The following LRRC37A2 variants were observed in gnomAD, a reference collection of about 807,000 sequenced individuals.
LRRC37A2 encodes the protein leucine-rich repeat-containing protein 37A2.
Under a neutral mutation model 68.8 loss-of-function variants are expected in LRRC37A2, and 9 were observed. That is an observed-to-expected ratio of 0.13 (90% confidence interval 0.08 to 0.23). The LOEUF (loss-of-function observed/expected upper bound fraction) is 0.23. LRRC37A2 is among the 10% of genes least tolerant of loss of function. LRRC37A2 has a pLI of 1.00. For missense variants in LRRC37A2, 168 were observed against 950.4 expected (o/e 0.18, Z 10.82); for synonymous variants, 63 against 367.6 (o/e 0.17, Z 9.48).
chr17:46,767,302 C>T, the LRRC37A2 span, among the ~76,000 whole-genome samples: 8 of 152,126 alleles, frequency 5.3e-5, no homozygotes, highest in Admixed American at 2.0e-4. Flanking sequence ...CCTCCTGCTC[C>T]CCGTCATCAT....
chr17:47,014,392 G>GAAAAAAAA, the LRRC37A2 span, among the ~76,000 whole-genome samples: 1 of 99,462 alleles, frequency 1.0e-5, no homozygotes, highest in African/African-American at 4.2e-5. Flanking sequence ...TCCATCTCGA[G>GAAAAAAAA]AAAAAAAAAA....
the LRRC37A2 span, among the ~76,000 whole-genome samples, chr17:46,848,048 C>G: frequency 6.6e-6 from 1 of 152,086 alleles, no homozygotes; most frequent in South Asian, 2.1e-4. Flanking sequence ...TGAGCGCTGG[C>G]TGCCTTGGGC....
chr17:46,744,255 A>G, the LRRC37A2 span, among the ~76,000 whole-genome samples: 2 of 152,224 alleles, frequency 1.3e-5, no homozygotes, highest in Non-Finnish European at 2.9e-5. Context: ...ATTATTGTTA[A>G]TGCTCCAATT....
the LRRC37A2 span, among the ~76,000 whole-genome samples, chr17:46,819,911 C>T: frequency 6.6e-6 from 1 of 152,206 alleles, no homozygotes; most frequent in Non-Finnish European, 1.5e-5. This position sits in a 1 kb window ranked among gnomAD's most constrained non-coding sequence, Gnocchi z 5.3. Flanking sequence ...TAGGCCCCCT[C>T]CCAGGCCACC....
chr17:47,014,671 G>C, the LRRC37A2 span, among the ~76,000 whole-genome samples: 3 of 151,770 alleles, frequency 2.0e-5, no homozygotes, highest in Non-Finnish European at 4.4e-5. Context: ...GTCTCCCCCC[G>C]CTCCAGGAGT....
the LRRC37A2 span, among the ~76,000 whole-genome samples, chr17:46,741,770 T>TCTG: frequency 6.6e-6 from 1 of 151,604 alleles, no homozygotes; most frequent in Non-Finnish European, 1.5e-5. Flanking sequence ...GGTTTTTGTT[T>TCTG]TTGTTGTTGT....
At chr17:46,790,827 T>G in the LRRC37A2 span, among the ~76,000 whole-genome samples, 2 of 152,234 alleles carry the variant, frequency 1.3e-5, no homozygotes, top group Admixed American at 1.3e-4. Flanking sequence ...GGCCGGCTAC[T>G]GCGCTCGCGT....
the LRRC37A2 span, among the ~76,000 whole-genome samples, chr17:46,568,798 GA>G: frequency 6.0e-5 from 6 of 99,334 alleles, no homozygotes; most frequent in Admixed American, 1.2e-4. Context: ...AAAAAAAAAG[GA>G]AAAAAAAAGG....
At chr17:46,678,726 C>A in the LRRC37A2 span, among the ~76,000 whole-genome samples, 30 of 117,434 alleles carry the variant, frequency 2.6e-4, no homozygotes, top group African/African-American at 1.0e-3. Flanking sequence ...TTGCTGAAAA[C>A]CAAAAATGAG....
the LRRC37A2 span, chr17:46,935,659 T>C: frequency 1.0e-6 from 1 of 997,736 alleles, no homozygotes; most frequent in Non-Finnish European, 1.2e-6. Flanking sequence ...TGCAGTAGAT[T>C]AGAGCTTTAG....
chr17:46,502,858 A>G, the LRRC37A2 span, among the ~76,000 whole-genome samples: 1 of 150,828 alleles, frequency 6.6e-6, no homozygotes, highest in Non-Finnish European at 1.5e-5. Flanking sequence ...AGATGTTCCG[A>G]AAGTCTCCAC....
the LRRC37A2 span, among the ~76,000 whole-genome samples, chr17:46,897,671 G>A: frequency 1.4e-3 from 220 of 151,858 alleles, 1 homozygote; most frequent in African/African-American, 4.8e-3. Context: ...TATTTTTGTA[G>A]AGATGGGGTC....
chr17:46,858,229 A>T, the LRRC37A2 span, among the ~76,000 whole-genome samples: 1 of 152,058 alleles, frequency 6.6e-6, no homozygotes, highest in Non-Finnish European at 1.5e-5. Flanking sequence ...TTGGCCTAAG[A>T]GTTCTTTATA....
the LRRC37A2 span, chr17:46,978,688 C>T: frequency 1.9e-6 from 3 of 1,610,928 alleles, no homozygotes; most frequent in Admixed American, 3.3e-5. Flanking sequence ...CTTGGAGGGC[C>T]GGCGCTCCTG....
the LRRC37A2 span, chr17:46,936,029 C>T: frequency 9.1e-6 from 9 of 985,572 alleles, no homozygotes; most frequent in South Asian, 4.7e-5. Flanking sequence ...GACTTCAGTA[C>T]GTTTCTGAAC....
chr17:46,817,640 C>A, the LRRC37A2 span, among the ~76,000 whole-genome samples: 6 of 145,794 alleles, frequency 4.1e-5, no homozygotes, highest in East Asian at 9.0e-4. Context: ...ACAGCCCCCC[C>A]CAAGCACTGC....
chr17:46,545,739 C>T (rs368068624), intron 8 of LRRC37A2, among the ~76,000 whole-genome samples: 5,666 of 135,402 alleles, frequency 0.042, 17 homozygotes, highest in East Asian at 0.3. Flanking sequence ...TATGTGGTAA[C>T]TTATTGTTGT....
the LRRC37A2 span, chr17:46,940,500 G>A: frequency 6.2e-7 from 1 of 1,613,382 alleles, no homozygotes; most frequent in South Asian, 1.1e-5. Flanking sequence ...AGGACTTTTG[G>A]TAATCCATAA....
At chr17:46,833,015 G>A in the LRRC37A2 span, 1 of 281,186 alleles carries the variant, frequency 3.6e-6, no homozygotes, top group Non-Finnish European at 7.0e-6. Flanking sequence ...TTTAGGCTGT[G>A]CCTTGGCACT....
Sources: allele counts gnomAD v4.1 joint callset (sites outside exome capture counted in the v4.1 genomes callset), GRCh38; gene constraint gnomAD v4.1.1; non-coding constraint Gnocchi (gnomAD v3.1); transcripts MANE v1.5; gene names NCBI Gene and HGNC (gene_info 2026-07-23, HGNC 2026-07-21).